ADGRA3: variants seen among roughly 807,000 people sequenced by gnomAD.
ADGRA3 encodes G-protein coupled receptor 125.
A neutral mutation model predicts 119.8 loss-of-function variants in ADGRA3; 56 were observed. The observed-to-expected ratio is 0.47, with a 90% CI of 0.38 to 0.58. The LOEUF is 0.58. ADGRA3 is among the 20% of genes least tolerant of loss of function. The pLI is 0.00. For missense variants in ADGRA3, 1,516 were observed against 1,649.0 expected, an observed-to-expected ratio of 0.92 and a Z score of 1.40; for synonymous variants, 607 against 623.8, an observed-to-expected ratio of 0.97 and a Z score of 0.40.
chr4:22,393,665 G>A (rs1168174772), intron 16 of ADGRA3: 1 of 152,108 alleles, frequency 6.6e-6, no homozygotes, highest in East Asian at 1.9e-4. Flanking sequence ...AAGTAAGATG[G>A]TCCACATTAA....
intron 5 of ADGRA3, among the ~76,000 whole-genome samples, 191 bp downstream of exon 5, chr4:22,447,249 A>C (rs1314077626): frequency 6.6e-6 from 1 of 152,114 alleles, no homozygotes; most frequent in Non-Finnish European, 1.5e-5. Flanking sequence ...AGGAGAAAAC[A>C]GTTGTCCTAG....
chr4:22,393,528 T>C (rs1714225158), intron 16 of ADGRA3: 1 of 152,098 alleles, frequency 6.6e-6, no homozygotes, highest in African/African-American at 2.4e-5. Flanking sequence ...AGAAATGAAA[T>C]TTTCCTTGAT....
chr4:22,478,603 G>A (rs533898849), intron 1 of ADGRA3, among the ~76,000 whole-genome samples: 2 of 152,256 alleles, frequency 1.3e-5, no homozygotes, highest in South Asian at 2.1e-4. Context: ...GGCATCTCCC[G>A]GAACCTGTGA....
chr4:22,488,807 A>T (rs912274523), intron 1 of ADGRA3, among the ~76,000 whole-genome samples: 5 of 152,198 alleles, frequency 3.3e-5, no homozygotes, highest in African/African-American at 9.7e-5. Context: ...AAAAGCCACT[A>T]CTGGGAAGCA....
intron 1 of ADGRA3, among the ~76,000 whole-genome samples, chr4:22,481,645 C>T (rs981596374): frequency 6.6e-6 from 1 of 152,078 alleles, no homozygotes; most frequent in African/African-American, 2.4e-5. Flanking sequence ...CAGACGTGTA[C>T]AAAGGATTTC....
intron 1 of ADGRA3, among the ~76,000 whole-genome samples, chr4:22,505,372 T>A (rs1402528352): frequency 6.6e-6 from 1 of 152,154 alleles, no homozygotes; most frequent in Non-Finnish European, 1.5e-5. Flanking sequence ...TTTCTGAAAT[T>A]CTGGCCAGGC....
rs1457908896 is a variant in ADGRA3 at position 22,507,000 on chromosome 4, G to C, written c.257+8528C>G. ...CAGTTGTAATCCCAGCACTTTGGGAGGTCAAGGCGGGCGGATCACGAGGTC... is the reference window on the plus strand; with the variant it reads ...CAGTTGTAATCCCAGCACTTTGGGACGTCAAGGCGGGCGGATCACGAGGTC... On this transcript the variant is annotated intron_variant, in intron 1 of 18. Transcript: ENST00000334304. Among the ~76,000 whole-genome samples the C allele has an allele frequency of 2.0e-5, 3 of 152,192 alleles. No homozygotes were observed. In the East Asian group the frequency reaches 5.8e-4, roughly 29 times the overall value.
chr4:22,502,798 T>C (rs1469392168), intron 1 of ADGRA3, among the ~76,000 whole-genome samples: 2 of 151,646 alleles, frequency 1.3e-5, no homozygotes, highest in African/African-American at 4.8e-5. Context: ...TGACCTTGTA[T>C]GTTTGTTATG....
intron 14 of ADGRA3, among the ~76,000 whole-genome samples, chr4:22,408,328 C>T (rs567831275): frequency 8.5e-6 from 1 of 117,950 alleles, no homozygotes; most frequent in Non-Finnish European, 1.7e-5. Flanking sequence ...AAACTCTGTT[C>T]ATAAAAAGAC....
chr4:22,512,144 G>A (rs1457202467), intron 1 of ADGRA3, among the ~76,000 whole-genome samples: 2 of 151,744 alleles, frequency 1.3e-5, no homozygotes, highest in South Asian at 2.1e-4. Context: ...CAAGTGATCT[G>A]CCCATCTCAA....
chr4:22,459,222 T>C (rs1021091272), intron 3 of ADGRA3, among the ~76,000 whole-genome samples: 1 of 152,006 alleles, frequency 6.6e-6, no homozygotes, highest in Non-Finnish European at 1.5e-5. Context: ...AAGGAATAGG[T>C]TTTGCAAATA....
Position 22,435,338 on chromosome 4 carries a change from T to C in ADGRA3, c.1416A>G (p.Arg472=). The C allele has an allele frequency of 5.0e-6, 8 of 1,613,414 alleles. No individual in the cohort carries two copies. The highest frequency in any genetic ancestry group is 6.8e-6 in the Non-Finnish European group (8 of 1,179,470). The change falls in exon 10 of 19, where the codon AGA becomes AGG. Residue 472 remains arginine, a synonymous_variant. Transcript: ENST00000334304. ...CTTTTGATTTTTCCTCCTTGGTAAA[T>C]CTTCCAAATTTTTCAATCATTTCTG... is the stretch of plus-strand genomic sequence containing the variant. ...FVAEMIEKFG[R]FTKEEKSKEL... is the part of the protein sequence containing the mutation.
chr4:22,447,825 G>T (rs1157816638), intron 4 of ADGRA3, among the ~76,000 whole-genome samples: 1 of 152,024 alleles, frequency 6.6e-6, no homozygotes, highest in Non-Finnish European at 1.5e-5. Context: ...TACTCGAAGG[G>T]TTCACTCACA....
rs186867283 is a variant in ADGRA3, at chr4:22,447,417, G to A, written c.545+23C>T. On this transcript the variant is annotated intron_variant, in intron 5 of 18. Coordinates refer to ENST00000334304, the MANE Select transcript of ADGRA3 (RefSeq NM_145290.4). ...AAGACATGAAAATCAAAAAAAAAAA[G>A]AGAGAAAAAAATTCTTACTTACAAA... The A allele has an allele frequency of 9.3e-3, 11,923 of 1,287,922 alleles. 55 individuals carry two copies. Among genetic ancestry groups the A allele is most frequent in the Middle Eastern group, 0.034 (151 of 4,396 alleles). 79.8% of individuals were successfully genotyped at this position (1,287,922 alleles called of 1,614,324 possible). A position where few individuals can be genotyped will look rare whatever the true frequency, so the allele number is the denominator to read the frequency against.
At chr4:22,435,227 C>T in intron 10 of ADGRA3, 84 bp downstream of exon 10, 1 of 1,107,450 alleles carries the variant, frequency 9.0e-7, no homozygotes, top group Non-Finnish European at 1.3e-6. Context: ...TAAACATAAA[C>T]AGGCCTTAAA....
At chr4:22,473,627 CTT>C (rs1717932393) in intron 2 of ADGRA3, 143 bp downstream of exon 2, 1 of 546,304 alleles carries the variant, frequency 1.8e-6, no homozygotes, top group East Asian at 3.1e-5. Flanking sequence ...AAATAAAGTT[CTT>C]AAAATTTTTC....
rs1437420221 is a variant in ADGRA3 at position 22,402,700 on chromosome 4, T to C, written c.2332A>G (p.Ile778Val). Reference protein sequence around the residue: ...IILLLCLLAVIVSYIYHHSLI... With the variant: ...IILLLCLLAVVVSYIYHHSLI... ...CTGTGATGGTATATGTAACTGACAA[T>C]GACGGCTAAGAGACATAAGAGGAGA... The change falls in exon 15 of 19, where the codon ATT (isoleucine) becomes GTT (valine). Residue 778 changes from isoleucine to valine, a missense_variant. Around this residue, in one of 2 missense-constraint regions of ADGRA3, gnomAD observed 1,088 missense variants for 1,107.1 expected, o/e 0.98. Transcript: ENST00000334304. 4 of 1,613,662 alleles carry C rather than the reference T, an allele frequency of 2.5e-6. No homozygotes were observed. Among genetic ancestry groups the C allele is most frequent in the Non-Finnish European group, 3.4e-6 (4 of 1,179,808 alleles).
At chr4:22,488,560 G>A (rs61574687) in intron 1 of ADGRA3, among the ~76,000 whole-genome samples, 2,370 of 152,174 alleles carry the variant, frequency 0.016, 65 homozygotes, top group African/African-American at 0.053. Flanking sequence ...ACGCAAGCGT[G>A]AAGAGGGCCA....
At chr4:22,467,561 T>C (rs1560332161) in intron 2 of ADGRA3, among the ~76,000 whole-genome samples, 1 of 152,150 alleles carries the variant, frequency 6.6e-6, no homozygotes, top group Non-Finnish European at 1.5e-5. Flanking sequence ...AAGCAGTACA[T>C]CAATTTGGAG....
Sources: gnomAD v4.1 joint callset for allele counts (sites outside exome capture counted in the v4.1 genomes callset) on GRCh38, gnomAD v4.1.1 for gene constraint, gnomAD v4.1.1 regional missense constraint, MANE v1.5 for transcripts, NCBI Gene and HGNC (gene_info 2026-07-23, HGNC 2026-07-21) for gene names.